The following XKR9 variants were observed in gnomAD, a reference collection of about 807,000 sequenced individuals.
XKR9 encodes the protein XK related 9.
A neutral mutation model predicts 32.0 loss-of-function variants in XKR9; 32 were observed. The observed-to-expected ratio is 1.00, with a 90% CI of 0.76 to 1.34. XKR9 has a LOEUF of 1.34. Among genes scored for constraint, XKR9 ranks in the 40% most tolerant of loss-of-function variants. XKR9 has a pLI of 0.00. For synonymous variants in XKR9, 168 were observed against 143.4 expected, an observed-to-expected ratio of 1.17 and a Z score of -1.22; for missense variants, 546 against 429.7, an observed-to-expected ratio of 1.27 and a Z score of -2.39.
At chr8:70,889,570 A>G in the XKR9 span, among the ~76,000 whole-genome samples, 1 of 151,894 alleles carries the variant, frequency 6.6e-6, no homozygotes, top group South Asian at 2.1e-4. Context: ...CCACTCTAGT[A>G]GTCCCCAGTG....
intron 2 of XKR9, among the ~76,000 whole-genome samples, chr8:70,741,211 A>T (rs1054333121): frequency 6.6e-6 from 1 of 152,084 alleles, no homozygotes; most frequent in Non-Finnish European, 1.5e-5. Context: ...AGTATTTAAG[A>T]TTAGTTTAGA....
At chr8:70,712,555 C>T (rs1306066370) in intron 4 of XKR9, among the ~76,000 whole-genome samples, 2 of 152,088 alleles carry the variant, frequency 1.3e-5, no homozygotes, top group African/African-American at 4.8e-5. Context: ...GTACCCTTCT[C>T]AGGGTAAGAG....
the XKR9 span, among the ~76,000 whole-genome samples, chr8:70,897,067 C>G: frequency 6.6e-6 from 1 of 152,104 alleles, no homozygotes; most frequent in African/African-American, 2.4e-5. Context: ...ACCCATCATT[C>G]TACCCTCTAT....
chr8:71,025,038 T>C, the XKR9 span, among the ~76,000 whole-genome samples: 1 of 152,240 alleles, frequency 6.6e-6, no homozygotes, highest in Non-Finnish European at 1.5e-5. Context: ...TATTGACTTA[T>C]ATAATCTTTC....
chr8:70,847,881 C>G, the XKR9 span, among the ~76,000 whole-genome samples: 14 of 152,098 alleles, frequency 9.2e-5, no homozygotes, highest in African/African-American at 3.4e-4. Flanking sequence ...ATGCCAAAGT[C>G]TACCACTCTT....
intron 2 of XKR9, among the ~76,000 whole-genome samples, chr8:70,765,382 A>C (rs1009430682): frequency 6.6e-6 from 1 of 152,196 alleles, no homozygotes; most frequent in African/African-American, 2.4e-5. Context: ...GGCTGCAAAA[A>C]TGTCTTCTTT....
At chr8:70,919,582 G>T in the XKR9 span, among the ~76,000 whole-genome samples, 2 of 152,300 alleles carry the variant, frequency 1.3e-5, no homozygotes, top group Non-Finnish European at 2.9e-5. Flanking sequence ...ACTTGCATAT[G>T]CCCTAGTTAA....
the XKR9 span, among the ~76,000 whole-genome samples, chr8:70,894,736 A>G: frequency 3.3e-5 from 5 of 151,948 alleles, no homozygotes; most frequent in East Asian, 1.9e-4. Context: ...CTGTGTGGCT[A>G]AGGTGGTTTT....
At chr8:71,007,007 C>T in the XKR9 span, among the ~76,000 whole-genome samples, 13 of 152,176 alleles carry the variant, frequency 8.5e-5, no homozygotes, top group Non-Finnish European at 1.6e-4. Flanking sequence ...TTTCAACATC[C>T]TCAGGCTTCG....
At chr8:70,991,290 A>G in the XKR9 span, among the ~76,000 whole-genome samples, 1 of 152,190 alleles carries the variant, frequency 6.6e-6, no homozygotes, top group Non-Finnish European at 1.5e-5. Context: ...GTCAGTCCTT[A>G]GCACCAGAAT....
At position 70,713,213 on chromosome 8, in the gene XKR9, T is replaced by A. The variant is rs562276467; in HGVS notation, c.493+6060T>A. On this transcript the variant is annotated intron_variant, in intron 4 of 4. Coordinates refer to ENST00000408926, the MANE Select transcript of XKR9 (RefSeq NM_001011720.2). The stretch of plus-strand genomic sequence containing the variant: ...AGACAATGAATGAGTTACTGCTAGG[T>A]CAGAAGAAATTATCTAGATTGTAGT... Among the ~76,000 whole-genome samples, 8 of 152,180 alleles carry A rather than the reference T, an allele frequency of 5.3e-5. No individual in the cohort carries two copies. The South Asian group carries it at 1.7e-3, about 32-fold the overall frequency.
the XKR9 span, among the ~76,000 whole-genome samples, chr8:70,819,262 C>G: frequency 2.0e-5 from 3 of 152,182 alleles, no homozygotes; most frequent in African/African-American, 7.2e-5. Flanking sequence ...TTACAGTTTT[C>G]CACCTTGAGC....
the XKR9 span, among the ~76,000 whole-genome samples, chr8:71,008,815 A>G: frequency 0.45 from 68,080 of 151,604 alleles, 16,199 homozygotes; most frequent in Non-Finnish European, 0.53. Flanking sequence ...ACTACACCTG[A>G]GTGCCACCAC....
At chr8:70,888,442 GA>G in the XKR9 span, among the ~76,000 whole-genome samples, 2 of 151,820 alleles carry the variant, frequency 1.3e-5, no homozygotes, top group African/African-American at 4.8e-5. Context: ...TTGCTGTGCA[GA>G]CACTTTTTCA....
chr8:70,760,827 T>G (rs957482963), intron 2 of XKR9, among the ~76,000 whole-genome samples: 1 of 152,166 alleles, frequency 6.6e-6, no homozygotes, highest in Non-Finnish European at 1.5e-5. Flanking sequence ...TTAAGCCTAG[T>G]ATCCATTGGT....
intron 4 of XKR9, among the ~76,000 whole-genome samples, chr8:70,724,070 G>A (rs1025949690): frequency 2.0e-5 from 3 of 151,992 alleles, no homozygotes; most frequent in Admixed American, 6.6e-5. Context: ...CCTTTTCTTC[G>A]GAGATGCCCT....
downstream of XKR9, among the ~76,000 whole-genome samples, chr8:70,739,543 A>G (rs190935041): frequency 0.011 from 1,605 of 152,162 alleles, 36 homozygotes; most frequent in Middle Eastern, 0.037. Context: ...TCATTAGTTG[A>G]TGCAGTTTCT....
the XKR9 span, among the ~76,000 whole-genome samples, chr8:71,003,166 C>T: frequency 6.6e-6 from 1 of 152,218 alleles, no homozygotes; most frequent in Admixed American, 6.5e-5. Flanking sequence ...AATCAGTGCT[C>T]AGAAACTCTT....
chr8:70,793,994 T>C (rs531105133), downstream of XKR9, among the ~76,000 whole-genome samples: 20 of 152,214 alleles, frequency 1.3e-4, no homozygotes, highest in African/African-American at 4.6e-4. Context: ...TATCTATCCA[T>C]TTACTAAAAT....
Sources: gnomAD v4.1 joint callset for allele counts (sites outside exome capture counted in the v4.1 genomes callset) on GRCh38, gnomAD v4.1.1 for gene constraint, MANE v1.5 for transcripts, NCBI Gene and HGNC (gene_info 2026-07-23, HGNC 2026-07-21) for gene names.